CARD8: variants seen among roughly 807,000 people sequenced by gnomAD.
CARD8 encodes caspase recruitment domain family member 8, also known as caspase recruitment domain-containing protein 8.
A neutral mutation model predicts 53.2 loss-of-function variants in CARD8; 38 were observed. The observed-to-expected ratio is 0.71, with a 90% CI of 0.55 to 0.94. The LOEUF is 0.94. CARD8 is among the 40% of genes least tolerant of loss of function. The probability of loss-of-function intolerance (pLI) is 0.00; values close to 1 mark genes in which losing one functional copy is unlikely to be tolerated. For synonymous variants in CARD8, 245 were observed against 244.9 expected (o/e 1.00, Z 0.00); for missense variants, 561 against 655.5 (o/e 0.86, Z 1.57).
In CARD8 at chr19:48,249,734, G is replaced by A. The variant is rs1259288598; in HGVS notation, c.-155+17C>T. On this transcript the variant is annotated intron_variant, in intron 2 of 13. Transcript: ENST00000651546. The stretch of plus-strand genomic sequence containing the variant: ...CTCCCCTAAAGTCACCACCTGCTGC[G>A]TTTCTGCAGCGCTTACCATGTGAGT... The A allele has an allele frequency of 2.0e-5, 3 of 152,424 alleles. No individual in the cohort carries two copies. The highest frequency in any genetic ancestry group is 2.9e-5 in the Non-Finnish European group (2 of 68,108). The allele number at this position is 152,424 out of a possible 1,614,324, so 9.4% of individuals were successfully genotyped here. A position where few individuals can be genotyped will look rare whatever the true frequency, so the allele number is the denominator to read the frequency against.
downstream of CARD8, chr19:48,204,239 T>C (rs541908009): frequency 5.3e-5 from 24 of 454,720 alleles, no homozygotes; most frequent in East Asian, 1.7e-3. Flanking sequence ...GTTGCCACAG[T>C]AACCCTGGAG....
At chr19:48,232,528 A>G in intron 6 of CARD8, 35 bp from the exon 7 acceptor site, 3 of 1,514,922 alleles carry the variant, frequency 2.0e-6, no homozygotes, top group South Asian at 1.2e-5. Context: ...CAAAAAGATG[A>G]AAAACATCAA....
downstream of CARD8, among the ~76,000 whole-genome samples, chr19:48,205,383 C>T (rs1411408990): frequency 6.6e-6 from 1 of 151,966 alleles, no homozygotes; most frequent in East Asian, 1.9e-4. Flanking sequence ...GTGCGCACCA[C>T]CACGCCCGGC....
intron 12 of CARD8, among the ~76,000 whole-genome samples, chr19:48,216,851 A>G (rs1213216286): frequency 1.3e-5 from 2 of 152,198 alleles, no homozygotes; most frequent in Non-Finnish European, 2.9e-5. Flanking sequence ...AGTGCAATAC[A>G]TTTATTGTGC....
Position 48,211,314 on chromosome 19 carries a change from A to T in CARD8, c.*396T>A, listed in dbSNP as rs908782766. On this transcript the variant is annotated 3_prime_UTR_variant, in exon 14 of 14. Transcript: ENST00000651546. ...TTCTGCTTTTAGTTATGAGAAGGTG[A>T]TACTTCAAACGGAGTGTCCATAGGA... 1 of 162,234 alleles carries T rather than the reference A, an allele frequency of 6.2e-6. No homozygotes were observed. The highest frequency in any genetic ancestry group is 1.3e-5 in the Non-Finnish European group (1 of 74,310). 10.0% of individuals were successfully genotyped at this position (162,234 alleles called of 1,614,324 possible). A position where few individuals can be genotyped will look rare whatever the true frequency, so the allele number is the denominator to read the frequency against.
chr19:48,231,600 G>T, intron 8 of CARD8, 60 bp downstream of exon 8: 2 of 1,509,446 alleles, frequency 1.3e-6, no homozygotes, highest in Non-Finnish European at 1.8e-6. Context: ...ACCACGCCTG[G>T]CCTACACACT....
At position 48,230,928 on chromosome 19, in the gene CARD8, C is replaced by T; in HGVS notation, c.621G>A (p.Val207=). 6.2e-7 allele frequency: 1 copy of T among 1,614,192 alleles called. No individual in the cohort carries two copies. The highest frequency in any genetic ancestry group is 8.5e-7 in the Non-Finnish European group (1 of 1,180,036). Residue 207 remains valine, a synonymous_variant, in exon 9 of 14, where the codon GTG becomes GTA. Coordinates refer to ENST00000651546, the MANE Select transcript of CARD8 (RefSeq NM_001184900.3). ...LGFLVRDEVT[V]TIAFGSWSQH... ...GACTCCAGGAACCAAACGCAATCGT[C>T]ACTGTGACCTCATCCCTTACCAGGA...
intron 1 of CARD8, among the ~76,000 whole-genome samples, chr19:48,250,418 G>C (rs2147086646): frequency 6.6e-6 from 1 of 152,270 alleles, no homozygotes; most frequent in Middle Eastern, 3.4e-3. Flanking sequence ...GGGTTTTGTA[G>C]AGTCTTTTTC....
Position 48,210,789 on chromosome 19 carries a change from G to A in CARD8, c.*921C>T, listed in dbSNP as rs1289408463. The A allele has an allele frequency of 6.6e-6, 1 of 152,310 alleles. No homozygotes were observed. Among genetic ancestry groups the A allele is most frequent in the Non-Finnish European group, 1.5e-5 (1 of 68,048 alleles). The allele number at this position is 152,310 out of a possible 1,614,324, so 9.4% of individuals were successfully genotyped here. A position where few individuals can be genotyped will look rare whatever the true frequency, so the allele number is the denominator to read the frequency against. On this transcript the variant is annotated 3_prime_UTR_variant, in exon 14 of 14. Transcript: ENST00000651546. ...TAAAAAAAACTGACTCAACCAGATGGTGTCTACTAGGAACTTGTTTTAAAC... is the reference window on the plus strand; with the variant it reads ...TAAAAAAAACTGACTCAACCAGATGATGTCTACTAGGAACTTGTTTTAAAC...
At chr19:48,241,090 T>A in intron 3 of CARD8, 27 bp from the exon 4 acceptor site, 1 of 1,219,672 alleles carries the variant, frequency 8.2e-7, no homozygotes, top group South Asian at 1.3e-5. Context: ...AGGTTGTATT[T>A]AGGTACTTGG....
Position 48,219,019 on chromosome 19 carries a change from G to A in CARD8, c.1162-7C>T. On this transcript the variant is annotated splice_region_variant and splice_polypyrimidine_tract_variant and intron_variant, in intron 11 of 13. Transcript: ENST00000651546. ...TGTAGGACAATTTCAACTCCTAGAG[G>A]AAACACATCAGTTGACTTGAAGCAG... is the stretch of plus-strand genomic sequence containing the variant. The A allele has an allele frequency of 1.2e-6, 2 of 1,613,896 alleles. No individual in the cohort carries two copies. Among genetic ancestry groups the A allele is most frequent in the East Asian group, 2.2e-5 (1 of 44,878 alleles).
Position 48,230,757 on chromosome 19 carries a change from C to T in CARD8, c.772+20G>A, listed in dbSNP as rs1383692099. ...CACGCACCCCAGCGGCCCCCACAGCCTCCGCTCACCCCACATTACCTTGGA... is the reference window on the plus strand; with the variant it reads ...CACGCACCCCAGCGGCCCCCACAGCTTCCGCTCACCCCACATTACCTTGGA... On this transcript the variant is annotated intron_variant, in intron 9 of 13. Coordinates refer to ENST00000651546, the MANE Select transcript of CARD8 (RefSeq NM_001184900.3). 6.2e-7 allele frequency: 1 copy of T among 1,613,188 alleles called. No homozygotes were observed. The highest frequency in any genetic ancestry group is 1.7e-5 in the Admixed American group (1 of 60,016).
chr19:48,221,919 A>G, intron 10 of CARD8, 64 bp from the exon 11 acceptor site: 8 of 1,423,538 alleles, frequency 5.6e-6, no homozygotes, highest in Non-Finnish European at 7.6e-6. Flanking sequence ...AGTGGCATAA[A>G]AAGTTATTTA....
intron 10 of CARD8, among the ~76,000 whole-genome samples, chr19:48,229,989 T>C (rs906585191): frequency 6.6e-6 from 1 of 152,056 alleles, no homozygotes; most frequent in Non-Finnish European, 1.5e-5. Flanking sequence ...GGCGGGCACC[T>C]GCAATCCCAG....
At chr19:48,232,790 C>T in intron 6 of CARD8, 1 of 571,296 alleles carries the variant, frequency 1.8e-6, no homozygotes, top group Non-Finnish European at 3.3e-6. Flanking sequence ...CGGATCTAGA[C>T]TATCAAGAAA....
intron 6 of CARD8, chr19:48,234,185 C>T (rs1434996820): frequency 4.0e-6 from 2 of 502,350 alleles, no homozygotes; most frequent in Non-Finnish European, 7.0e-6. Context: ...TTGCTCATTG[C>T]CTTTTTGTGT....
rs1568807280 is a variant in CARD8, at chr19:48,231,785, T to C, written c.417A>G (p.Gln139=). 1 of 1,613,870 alleles carries C rather than the reference T, an allele frequency of 6.2e-7. No homozygotes were observed. Among genetic ancestry groups the C allele is most frequent in the Non-Finnish European group, 8.5e-7 (1 of 1,179,926 alleles). ...CTTTAGAAGCATAAGAGGAAACTAT[T>C]TGATTCTCTTCTGAGCAAATGTCTC... is the stretch of plus-strand genomic sequence containing the variant. ...DSGDICSEEN[Q]IVSSYASKVC... Residue 139 remains glutamine, a synonymous_variant, in exon 8 of 14, where the codon CAA becomes CAG. Transcript: ENST00000651546.
chr19:48,203,869 C>T (rs1006320200), downstream of CARD8: 3 of 272,800 alleles, frequency 1.1e-5, no homozygotes, highest in African/African-American at 2.3e-5. Context: ...CCATTGGCCA[C>T]CTGTATCTCC....
intron 13 of CARD8, among the ~76,000 whole-genome samples, chr19:48,213,674 A>T (rs2038538187): frequency 6.6e-6 from 1 of 152,168 alleles, no homozygotes; most frequent in Non-Finnish European, 1.5e-5. Context: ...GCACCCAGCC[A>T]ACTCTTTATA....
Sources: gnomAD v4.1 joint callset for allele counts (sites outside exome capture counted in the v4.1 genomes callset) on GRCh38, gnomAD v4.1.1 for gene constraint, MANE v1.5 for transcripts, NCBI Gene and HGNC (gene_info 2026-07-23, HGNC 2026-07-21) for gene names.